The following FRAS1 variants were observed in gnomAD, a reference collection of about 807,000 sequenced individuals.
FRAS1 encodes the protein Fraser extracellular matrix complex subunit 1.
FRAS1 carries 290 observed loss-of-function variants against 435.2 expected under a neutral mutation model. That is an observed-to-expected ratio of 0.67 (90% CI 0.61 to 0.73). The LOEUF (loss-of-function observed/expected upper bound fraction) is 0.73, where lower values mean the gene tolerates loss of function less well. Among genes scored for constraint, FRAS1 ranks in the 30% least tolerant of loss-of-function variants. The pLI is 0.00. For synonymous variants in FRAS1, 1,800 were observed against 1,851.0 expected (o/e 0.97, Z 0.71); for missense variants, 4,860 against 5,001.5 (o/e 0.97, Z 0.85).
At chr4:78,451,413 C>T (rs1237400750) in intron 45 of FRAS1, among the ~76,000 whole-genome samples, 1 of 152,166 alleles carries the variant, frequency 6.6e-6, no homozygotes, top group African/African-American at 2.4e-5. Flanking sequence ...AATAGGGTCA[C>T]TCCAGGTGAT....
At chr4:78,115,124 A>G (rs1743054792) in intron 2 of FRAS1, among the ~76,000 whole-genome samples, 1 of 151,500 alleles carries the variant, frequency 6.6e-6, no homozygotes, top group South Asian at 2.1e-4. Flanking sequence ...TATATGCTAG[A>G]TTACGTTTAT....
intron 32 of FRAS1, among the ~76,000 whole-genome samples, chr4:78,415,267 A>G (rs368817054): frequency 6.6e-6 from 1 of 152,216 alleles, no homozygotes. Context: ...AGTTCAGTGC[A>G]TACTGCTTTG....
At chr4:78,408,585 T>G (rs1168614390) in intron 31 of FRAS1, among the ~76,000 whole-genome samples, 1 of 152,196 alleles carries the variant, frequency 6.6e-6, no homozygotes, top group African/African-American at 2.4e-5. Context: ...CATGTTTAGG[T>G]GTCAGTTCTG....
chr4:78,265,114 C>T lies in FRAS1; in HGVS notation c.687+6C>T, dbSNP rs1234784396. The T allele has an allele frequency of 6.2e-7, 1 of 1,601,486 alleles. No homozygotes were observed. Among genetic ancestry groups the T allele is most frequent in the African/African-American group, 1.3e-5 (1 of 74,744 alleles). On this transcript the variant is annotated splice_donor_region_variant and intron_variant, in intron 7 of 73. Transcript: ENST00000512123. ...CAGCTGGCCAAGTATACGAGGTAAG[C>T]TTTCATGCTCCCCATGTAGGTGTTT...
intron 29 of FRAS1, among the ~76,000 whole-genome samples, chr4:78,393,712 A>G (rs1180922341): frequency 6.6e-6 from 1 of 152,120 alleles, no homozygotes; most frequent in Non-Finnish European, 1.5e-5. Context: ...GAATAATACT[A>G]CAATGAACGT....
chr4:78,371,095 T>TG, intron 23 of FRAS1, among the ~76,000 whole-genome samples: 1 of 150,764 alleles, frequency 6.6e-6, no homozygotes, highest in Non-Finnish European at 1.5e-5. Context: ...TTTTTTGTTT[T>TG]TTTTTTTTTT....
At chr4:78,073,119 T>A (rs1325513384) in intron 2 of FRAS1, among the ~76,000 whole-genome samples, 1 of 152,176 alleles carries the variant, frequency 6.6e-6, no homozygotes, top group Non-Finnish European at 1.5e-5. Flanking sequence ...TAGTGAGAAT[T>A]GGGCTCTAGC....
intron 11 of FRAS1, among the ~76,000 whole-genome samples, chr4:78,282,479 T>G (rs1727375561): frequency 6.6e-6 from 1 of 152,236 alleles, no homozygotes; most frequent in African/African-American, 2.4e-5. Context: ...AGTAATCTCC[T>G]TTGATGTTTT....
chr4:78,487,626 C>T (rs1720211706), intron 58 of FRAS1, among the ~76,000 whole-genome samples: 1 of 152,084 alleles, frequency 6.6e-6, no homozygotes, highest in Non-Finnish European at 1.5e-5. Context: ...TAATACAGAG[C>T]AAATGATTCT....
In FRAS1 at chr4:78,362,507, G is replaced by A. The variant is rs541147669; in HGVS notation, c.2423-1006G>A. Among the ~76,000 whole-genome samples, 9 of 152,324 alleles carry A rather than the reference G, an allele frequency of 5.9e-5. No homozygotes were observed. The East Asian group carries it at 1.5e-3, about 26-fold the overall frequency. ...GACACAAGAGCAAGCTCCATGGGGGGCCTGCAGCCAAACCAGGCATGTTGC... is the reference window on the plus strand; with the variant it reads ...GACACAAGAGCAAGCTCCATGGGGGACCTGCAGCCAAACCAGGCATGTTGC... On this transcript the variant is annotated intron_variant, in intron 20 of 73. Transcript: ENST00000512123.
intron 2 of FRAS1, among the ~76,000 whole-genome samples, chr4:78,220,115 C>T (rs1723988410): frequency 6.6e-6 from 1 of 152,120 alleles, no homozygotes. Context: ...CCAAATTGAC[C>T]AGAATCTTTA....
intron 2 of FRAS1, among the ~76,000 whole-genome samples, chr4:78,165,064 G>T (rs372573125): frequency 6.6e-6 from 1 of 152,136 alleles, no homozygotes; most frequent in African/African-American, 2.4e-5. Context: ...CCCTACAAAT[G>T]AGCATGAATT....
chr4:78,197,344 A>C (rs1722859486), intron 2 of FRAS1, among the ~76,000 whole-genome samples: 1 of 152,170 alleles, frequency 6.6e-6, no homozygotes, highest in Non-Finnish European at 1.5e-5. Flanking sequence ...AGTTCAAAGG[A>C]TTGTCATGGG....
At chr4:78,089,671 C>G (rs7672572) in intron 2 of FRAS1, among the ~76,000 whole-genome samples, 5,600 of 151,946 alleles carry the variant, frequency 0.037, 339 homozygotes, top group African/African-American at 0.13. Flanking sequence ...TAGCCAATTG[C>G]TCAAACTTCT....
chr4:78,129,660 C>CTT (rs1719584036), intron 2 of FRAS1, among the ~76,000 whole-genome samples: 1 of 152,140 alleles, frequency 6.6e-6, no homozygotes, highest in South Asian at 2.1e-4. Flanking sequence ...CTTCCAGAGT[C>CTT]TAGAGAAGGA....
rs751915838 is a variant in FRAS1 at position 78,058,101 on chromosome 4, C to CGTGTGT, written c.76+17_76+18insTGTGTG. The CGTGTGT allele has an allele frequency of 1.9e-6, 3 of 1,553,814 alleles. No homozygotes were observed. In the South Asian group the frequency reaches 3.4e-5, roughly 17 times the overall value. On this transcript the variant is annotated intron_variant, in intron 1 of 73. Coordinates refer to ENST00000512123, the MANE Select transcript of FRAS1 (RefSeq NM_025074.7). ...CATTCCGAAGGTGAGAGAGCGGTGC[C>CGTGTGT]GCGTGTGTGTGTGTGTGTGCGTGTG...
Position 78,534,499 on chromosome 4 carries a change from T to C in FRAS1, c.10976T>C (p.Val3659Ala). Residue 3659 changes from valine to alanine, a missense_variant, in exon 71 of 74, where the codon GTG becomes GCG. By Grantham distance (64) the Val-to-Ala change is moderately conservative. Transcript: ENST00000512123. ...FQQTNRPVPV[V>A]YSLNTEFQLC... ...CAGACCAACCGCCCTGTGCCAGTTG[T>C]GTATTCACTTAACACTGAATTTCAG... is the stretch of plus-strand genomic sequence containing the variant. The C allele has an allele frequency of 1.9e-6, 3 of 1,613,774 alleles. No individual in the cohort carries two copies. Among genetic ancestry groups the C allele is most frequent in the Non-Finnish European group, 2.5e-6 (3 of 1,179,720 alleles).
intron 14 of FRAS1, among the ~76,000 whole-genome samples, chr4:78,289,907 G>A (rs73827937): frequency 0.014 from 2,081 of 152,178 alleles, 52 homozygotes; most frequent in African/African-American, 0.047. Context: ...GATTTACTCT[G>A]TTCCCTCACC....
intron 30 of FRAS1, among the ~76,000 whole-genome samples, chr4:78,404,720 A>G (rs1296929514): frequency 6.6e-6 from 1 of 152,186 alleles, no homozygotes; most frequent in East Asian, 1.9e-4. Flanking sequence ...GTTTCTTTAC[A>G]GTCTCACCTC....
Sources: allele counts gnomAD v4.1 joint callset (sites outside exome capture counted in the v4.1 genomes callset), GRCh38; gene constraint gnomAD v4.1.1; transcripts MANE v1.5; gene names NCBI Gene and HGNC (gene_info 2026-07-23, HGNC 2026-07-21).